MROH9: variants seen among roughly 807,000 people sequenced by gnomAD.
MROH9 encodes the protein maestro heat-like repeat-containing protein family member 9.
A neutral mutation model predicts 98.2 loss-of-function variants in MROH9; 92 were observed. That is an observed-to-expected ratio of 0.94 (90% CI 0.79 to 1.11). The LOEUF is 1.11. Ranked by LOEUF, MROH9 falls within the 50% of genes most tolerant of loss-of-function variation. The pLI is 0.00. For missense variants in MROH9, 1,057 were observed against 1,014.8 expected, an observed-to-expected ratio of 1.04 and a Z score of -0.57; for synonymous variants, 397 against 368.9, an observed-to-expected ratio of 1.08 and a Z score of -0.87.
chr1:170,980,453 G>T (rs147638290), intron 8 of MROH9, among the ~76,000 whole-genome samples: 30 of 151,964 alleles, frequency 2.0e-4, no homozygotes, highest in Non-Finnish European at 4.4e-5. Context: ...CAGAGACATC[G>T]GAAATAACAC....
intron 17 of MROH9, among the ~76,000 whole-genome samples, chr1:171,020,931 T>C (rs1448080277): frequency 6.6e-6 from 1 of 152,146 alleles, no homozygotes; most frequent in African/African-American, 2.4e-5. Flanking sequence ...ACAAAATCAA[T>C]GTGCAAAAAT....
chr1:170,962,194 G>T (rs926985163), intron 6 of MROH9, among the ~76,000 whole-genome samples: 2 of 152,056 alleles, frequency 1.3e-5, no homozygotes, highest in Non-Finnish European at 2.9e-5. Flanking sequence ...GCATCAACAG[G>T]TACTTGAGAA....
intron 16 of MROH9, 94 bp from the exon 17 acceptor site, chr1:171,016,069 T>C: frequency 4.7e-6 from 4 of 845,434 alleles, no homozygotes; most frequent in Non-Finnish European, 1.6e-6. Context: ...CCGCACACCA[T>C]GATGTGCCGC....
chr1:171,044,798 C>T lies in MROH9; in HGVS notation c.2282-17334C>T, dbSNP rs186712072. 2.1e-3 allele frequency among the ~76,000 whole-genome samples: 315 copies of T among 151,738 alleles called. 1 individual carries two copies. The highest frequency in any genetic ancestry group is 2.0e-3 in the Non-Finnish European group (134 of 67,888). On this transcript the variant is annotated intron_variant, in intron 20 of 21. Transcript: ENST00000367759. ...ATGATCCTTTGAAATTCTTCAGTAG[C>T]AGTTTTAATGTCTCCTTTTTCATTT...
chr1:171,009,982 G>C (rs919158744), intron 15 of MROH9, among the ~76,000 whole-genome samples: 1 of 152,072 alleles, frequency 6.6e-6, no homozygotes, highest in African/African-American at 2.4e-5. Flanking sequence ...AAGCTCTGGG[G>C]TACATGTGCA....
chr1:170,992,353 T>C, intron 12 of MROH9, 24 bp downstream of exon 12: 1 of 1,605,662 alleles, frequency 6.2e-7, no homozygotes, highest in Non-Finnish European at 8.5e-7. Flanking sequence ...TGAGTGTTTC[T>C]TCTTCTCAGT....
intron 3 of MROH9, among the ~76,000 whole-genome samples, chr1:170,952,549 A>G (rs1649595445): frequency 7.0e-6 from 1 of 143,740 alleles, no homozygotes; most frequent in African/African-American, 2.5e-5. Context: ...GAATTGAACA[A>G]TGAGAACACT....
intron 6 of MROH9, 48 bp from the exon 7 acceptor site, chr1:170,965,103 G>A (rs1650179457): frequency 1.4e-6 from 2 of 1,401,154 alleles, no homozygotes; most frequent in Non-Finnish European, 2.0e-6. Flanking sequence ...AAGGTTCTTG[G>A]AAAATGGAAA....
At chr1:170,961,812 T>C (rs921909132) in intron 5 of MROH9, 78 bp from the exon 6 acceptor site, 7 of 625,186 alleles carry the variant, frequency 1.1e-5, no homozygotes, top group African/African-American at 9.7e-5. Flanking sequence ...AAGTAACTTT[T>C]AAGCAAGAAA....
intron 10 of MROH9, among the ~76,000 whole-genome samples, chr1:170,989,442 T>C (rs1651268076): frequency 2.0e-5 from 3 of 152,224 alleles, no homozygotes; most frequent in Admixed American, 2.0e-4. Context: ...CTTCAATATG[T>C]GGATTCAAAT....
chr1:170,939,530 A>T (rs932584559), intron 1 of MROH9, among the ~76,000 whole-genome samples: 1 of 152,236 alleles, frequency 6.6e-6, no homozygotes, highest in African/African-American at 2.4e-5. Context: ...CTCCCCATGA[A>T]GCCATAGTTG....
chr1:170,998,444 G>A lies in MROH9; in HGVS notation c.1596+170G>A, dbSNP rs73038212. 1,956 of 1,567,098 alleles carry A rather than the reference G, an allele frequency of 1.2e-3. 23 individuals carry two copies. In the African/African-American group the frequency reaches 0.024, roughly 19 times the overall value. On this transcript the variant is annotated intron_variant, in intron 15 of 21. Transcript: ENST00000367759. ...TGGGGAGAGGTGTGGAGTTAGATCT[G>A]GGTTATGGAAGAGTTGTCCCTTCAG...
chr1:170,939,457 A>G (rs908339057), intron 1 of MROH9, among the ~76,000 whole-genome samples: 1 of 152,226 alleles, frequency 6.6e-6, no homozygotes, highest in Non-Finnish European at 1.5e-5. Flanking sequence ...TTGTGCCTGT[A>G]TATCATGTAG....
chr1:171,042,341 GTATTCCA>G (rs1444977393), intron 20 of MROH9, among the ~76,000 whole-genome samples: 1 of 151,946 alleles, frequency 6.6e-6, no homozygotes, highest in Non-Finnish European at 1.5e-5. Context: ...TGGCTGAATG[GTATTCCA>G]TTGTGTATGT....
chr1:170,994,383 T>C lies in MROH9; in HGVS notation c.1195-1006T>C, dbSNP rs1651475815. 2.6e-5 allele frequency among the ~76,000 whole-genome samples: 4 copies of C among 152,238 alleles called. No homozygotes were observed. The South Asian group carries it at 8.3e-4, about 31-fold the overall frequency. On this transcript the variant is annotated intron_variant, in intron 12 of 21. Coordinates refer to ENST00000367759, the MANE Select transcript of MROH9 (RefSeq NM_001163629.2). ...TTTGGAAAAGTACATATGTTATTATTGCCTAATTTATTGTATAAAAAGACC... is the reference window on the plus strand; with the variant it reads ...TTTGGAAAAGTACATATGTTATTATCGCCTAATTTATTGTATAAAAAGACC...
intron 14 of MROH9, 80 bp downstream of exon 14, chr1:170,996,724 C>T (rs1371810692): frequency 1.3e-5 from 18 of 1,352,432 alleles, no homozygotes; most frequent in Non-Finnish European, 1.6e-5. Flanking sequence ...CATGCGGGAA[C>T]AAGATAGGCA....
At chr1:170,994,449 A>C (rs1002776206) in intron 12 of MROH9, among the ~76,000 whole-genome samples, 3 of 152,114 alleles carry the variant, frequency 2.0e-5, no homozygotes, top group Non-Finnish European at 2.9e-5. Context: ...CTCACATGTC[A>C]TTTTAATTTT....
intron 1 of MROH9, among the ~76,000 whole-genome samples, chr1:170,941,183 C>T (rs1201274851): frequency 6.6e-6 from 1 of 152,088 alleles, no homozygotes; most frequent in Non-Finnish European, 1.5e-5. Context: ...TTCTAGTACT[C>T]CCCAGAAGGT....
chr1:170,939,848 C>T (rs892539586), intron 1 of MROH9, among the ~76,000 whole-genome samples: 1 of 152,116 alleles, frequency 6.6e-6, no homozygotes, highest in Non-Finnish European at 1.5e-5. Context: ...TAACTATCTG[C>T]AGAGGAGAGT....
Sources: allele counts gnomAD v4.1 joint callset (sites outside exome capture counted in the v4.1 genomes callset), GRCh38; gene constraint gnomAD v4.1.1; transcripts MANE v1.5; gene names NCBI Gene and HGNC (gene_info 2026-07-23, HGNC 2026-07-21).